The following KIF26B variants were observed in gnomAD, a reference collection of about 807,000 sequenced individuals.
KIF26B encodes kinesin family member 26B, also known as kinesin-like protein KIF26B.
KIF26B carries 63 observed loss-of-function variants against 151.2 expected under a neutral mutation model. The observed-to-expected ratio is 0.42, with a 90% confidence interval of 0.34 to 0.51. KIF26B has a LOEUF of 0.51. KIF26B is among the 20% of genes least tolerant of loss of function. The pLI, the probability that KIF26B is intolerant of heterozygous loss-of-function variation, is 0.07. For synonymous variants in KIF26B, 1,357 were observed against 1,262.1 expected, an observed-to-expected ratio of 1.08 and a Z score of -1.59; for missense variants, 2,813 against 2,913.6, an observed-to-expected ratio of 0.97 and a Z score of 0.79.
At chr1:245,296,654 G>A (rs762534184) in intron 2 of KIF26B, among the ~76,000 whole-genome samples, 16 of 152,156 alleles carry the variant, frequency 1.1e-4, no homozygotes, top group Non-Finnish European at 2.2e-4. Context: ...TCACGAAGTC[G>A]GCCTCACTTT....
rs1573720080 is a variant in KIF26B, at chr1:245,227,169, CGT to C, written c.465+70493_465+70494del. On this transcript the variant is annotated intron_variant, in intron 2 of 14. Transcript: ENST00000407071. The surrounding 1 kb of genome is among the most constrained non-coding windows in gnomAD (Gnocchi z 4.1). Reference sequence around the variant, plus strand: ...TTACCCAGATCCAGTTGCGGAGAGGCGTGTGTGTCTGTCTGGTTGAGCTGAAA... The same window carrying C: ...TTACCCAGATCCAGTTGCGGAGAGGCGTGTGTCTGTCTGGTTGAGCTGAAA... Among the ~76,000 whole-genome samples, 1 of 151,998 alleles carries C rather than the reference CGT, an allele frequency of 6.6e-6. No homozygotes were observed. The highest frequency in any genetic ancestry group is 2.4e-5 in the African/African-American group (1 of 41,330).
intron 2 of KIF26B, among the ~76,000 whole-genome samples, chr1:245,306,403 G>A (rs1671540206): frequency 6.6e-6 from 1 of 152,134 alleles, no homozygotes; most frequent in Non-Finnish European, 1.5e-5. Context: ...TAATGCATAT[G>A]GAATTTATTT....
chr1:245,409,171 A>G (rs545590756), intron 3 of KIF26B, among the ~76,000 whole-genome samples: 39 of 152,332 alleles, frequency 2.6e-4, no homozygotes, highest in Non-Finnish European at 5.3e-4. Context: ...CATATGTGCA[A>G]AACTGCAAGC....
At chr1:245,479,822 G>T (rs763364557) in intron 4 of KIF26B, among the ~76,000 whole-genome samples, 1 of 151,868 alleles carries the variant, frequency 6.6e-6, no homozygotes, top group Non-Finnish European at 1.5e-5. Flanking sequence ...TCAGCCTGGA[G>T]AAGACCAAGG....
At chr1:245,326,354 G>C (rs772229392) in intron 2 of KIF26B, among the ~76,000 whole-genome samples, 3 of 152,182 alleles carry the variant, frequency 2.0e-5, no homozygotes, top group Non-Finnish European at 2.9e-5. Flanking sequence ...GGGTTACTCA[G>C]CCAAGAAATG....
Position 245,367,055 on chromosome 1 carries a change from C to G in KIF26B, c.687C>G (p.Thr229=). 6.2e-7 allele frequency: 1 copy of G among 1,608,572 alleles called. No homozygotes were observed. Among genetic ancestry groups the G allele is most frequent in the South Asian group, 1.1e-5 (1 of 90,168 alleles). Reference sequence around the variant, plus strand: ...CGCCACCGCTCTCCAACATCCCCACCCTGGTGGGGTCCCGGCACGTGGGTG... The same window carrying G: ...CGCCACCGCTCTCCAACATCCCCACGCTGGTGGGGTCCCGGCACGTGGGTG... ...CSPPPLSNIP[T]LVGSRHVGGL... Residue 229 remains threonine (T), a synonymous_variant, in exon 3 of 15, where the codon ACC becomes ACG. Coordinates refer to ENST00000407071, the MANE Select transcript of KIF26B (RefSeq NM_018012.4). The surrounding 1 kb of genome is among the most constrained non-coding windows in gnomAD (Gnocchi z 4.2).
chr1:245,422,552 A>C (rs1397475295), intron 4 of KIF26B, among the ~76,000 whole-genome samples: 1 of 152,204 alleles, frequency 6.6e-6, no homozygotes, highest in African/African-American at 2.4e-5. Context: ...GCTGTCAGAC[A>C]GTCAACTGAG....
chr1:245,192,832 G>A (rs1176647364), intron 2 of KIF26B, among the ~76,000 whole-genome samples: 1 of 152,230 alleles, frequency 6.6e-6, no homozygotes, highest in African/African-American at 2.4e-5. Context: ...GTTCTGTAGT[G>A]GTGGGGATTG....
intron 4 of KIF26B, among the ~76,000 whole-genome samples, chr1:245,515,160 C>T (rs2103086292): frequency 6.6e-6 from 1 of 152,306 alleles, no homozygotes; most frequent in Non-Finnish European, 1.5e-5. Context: ...AGATGGGTTA[C>T]TCCTTACTCC....
intron 9 of KIF26B, among the ~76,000 whole-genome samples, chr1:245,625,974 G>T (rs564691668): frequency 6.6e-6 from 1 of 152,228 alleles, no homozygotes; most frequent in Admixed American, 6.5e-5. Context: ...TGCTACAAAT[G>T]ACAGGATTTG....
At chr1:245,519,496 G>C (rs1033706099) in intron 4 of KIF26B, among the ~76,000 whole-genome samples, 1 of 151,920 alleles carries the variant, frequency 6.6e-6, no homozygotes, top group Non-Finnish European at 1.5e-5. Flanking sequence ...AGAGGCTGCA[G>C]TGAGTCGAGG....
intron 2 of KIF26B, among the ~76,000 whole-genome samples, chr1:245,345,931 C>CTTTTTTT (rs371687031): frequency 7.2e-6 from 1 of 139,428 alleles, no homozygotes; most frequent in African/African-American, 3.1e-5. Context: ...TTCTTTCTTT[C>CTTTTTTT]TTTCTTTTTT....
At chr1:245,223,968 C>T (rs1279204281) in intron 2 of KIF26B, among the ~76,000 whole-genome samples, 1 of 152,118 alleles carries the variant, frequency 6.6e-6, no homozygotes, top group Non-Finnish European at 1.5e-5. Flanking sequence ...AAATCTCAGC[C>T]CCTGAATACA....
chr1:245,297,200 G>A (rs1558379533), intron 2 of KIF26B, among the ~76,000 whole-genome samples: 1 of 152,064 alleles, frequency 6.6e-6, no homozygotes, highest in African/African-American at 2.4e-5. Context: ...AAAATTAGCC[G>A]GTCGTGGTGG....
Position 245,698,086 on chromosome 1 carries a change from G to A in KIF26B, c.5825-20G>A. The A allele has an allele frequency of 3.7e-6, 6 of 1,602,858 alleles. No individual in the cohort carries two copies. Among genetic ancestry groups the A allele is most frequent in the Non-Finnish European group, 5.1e-6 (6 of 1,174,028 alleles). ...TGAAATTCAGAAAGACTAACTCTCT[G>A]GGCTTATCCCCCTCCTCAGGTTCTC... On this transcript the variant is annotated intron_variant, in intron 12 of 14. Coordinates refer to ENST00000407071, the MANE Select transcript of KIF26B (RefSeq NM_018012.4). The surrounding 1 kb of genome is among the most constrained non-coding windows in gnomAD (Gnocchi z 4.0).
chr1:245,416,205 G>A (rs976525409), intron 3 of KIF26B, among the ~76,000 whole-genome samples: 8 of 147,358 alleles, frequency 5.4e-5, no homozygotes, highest in Admixed American at 1.4e-4. Context: ...TCTTGAACCC[G>A]GAAGGCGGAG....
At chr1:245,417,925 GC>G (rs1244754923) in intron 3 of KIF26B, among the ~76,000 whole-genome samples, 1 of 152,204 alleles carries the variant, frequency 6.6e-6, no homozygotes, top group African/African-American at 2.4e-5. Flanking sequence ...AGGCAGAGTG[GC>G]TTGTTTCACA....
rs907582855 is a variant in KIF26B at position 245,552,133 on chromosome 1, G to A, written c.1350+11183G>A. Among the ~76,000 whole-genome samples, 642 of 133,218 alleles carry A rather than the reference G, an allele frequency of 4.8e-3. 11 individuals are homozygous for A. The highest frequency in any genetic ancestry group is 0.025 in the East Asian group (126 of 4,990). The allele number at this position is 133,218 out of a possible 152,430, so 87.4% of individuals were successfully genotyped here. On this transcript the variant is annotated intron_variant, in intron 5 of 14. Coordinates refer to ENST00000407071, the MANE Select transcript of KIF26B (RefSeq NM_018012.4). The stretch of plus-strand genomic sequence containing the variant: ...AACAGAACCAGCAGGGTGTGTGTGT[G>A]TGTGTGTGTGTGTGTGTGTGTGTGT...
intron 5 of KIF26B, among the ~76,000 whole-genome samples, chr1:245,594,136 A>G (rs199718018): frequency 6.6e-6 from 1 of 152,096 alleles, no homozygotes; most frequent in Non-Finnish European, 1.5e-5. Flanking sequence ...CACTCTGATG[A>G]TAGTTTCTTT....
Sources: allele counts gnomAD v4.1 joint callset (sites outside exome capture counted in the v4.1 genomes callset), GRCh38; gene constraint gnomAD v4.1.1; non-coding constraint Gnocchi (gnomAD v3.1); transcripts MANE v1.5; gene names NCBI Gene and HGNC (gene_info 2026-07-23, HGNC 2026-07-21).